Variants in SNX30 observed in about 807,000 individuals in gnomAD.
The protein encoded by SNX30 is sorting nexin-30.
In SNX30, 24 loss-of-function variants were observed where a neutral mutation model predicts 46.4. That is an observed-to-expected ratio of 0.52 (90% CI 0.37 to 0.73). The LOEUF is 0.73. Ranked by LOEUF, SNX30 falls within the 30% of genes least tolerant of loss-of-function variation. The probability of loss-of-function intolerance (pLI) is 0.00; values close to 1 mark genes in which losing one functional copy is unlikely to be tolerated. For missense variants in SNX30, 533 were observed against 555.7 expected, an observed-to-expected ratio of 0.96 and a Z score of 0.41; for synonymous variants, 189 against 211.5, an observed-to-expected ratio of 0.89 and a Z score of 0.92.
At chr9:112,877,634 G>A (rs1410828463), downstream of SNX30, 1 of 152,170 alleles carries the variant, frequency 6.6e-6, no homozygotes, top group Non-Finnish European at 1.5e-5. Flanking sequence ...AACTCCTGTA[G>A]CCTCTAACTC....
chr9:112,836,438 G>A, intron 5 of SNX30, 29 bp downstream of exon 5: 7 of 1,566,320 alleles, frequency 4.5e-6, no homozygotes, highest in East Asian at 2.3e-5. Flanking sequence ...TCTCGATTAT[G>A]CCCTGCAGCC....
chr9:112,830,039 C>A (rs941636013), intron 3 of SNX30, among the ~76,000 whole-genome samples: 2 of 152,100 alleles, frequency 1.3e-5, no homozygotes, highest in African/African-American at 4.8e-5. Context: ...TTTAATCAAG[C>A]AGTTGATCAA....
chr9:112,853,960 C>T (rs565842970), intron 7 of SNX30, among the ~76,000 whole-genome samples: 204 of 152,314 alleles, frequency 1.3e-3, no homozygotes, highest in Middle Eastern at 3.4e-3. Flanking sequence ...GAAGGAGAAC[C>T]AACAAGTTCT....
chr9:112,865,936 T>A (rs534453688), intron 8 of SNX30, among the ~76,000 whole-genome samples: 2 of 152,064 alleles, frequency 1.3e-5, no homozygotes, highest in Admixed American at 1.3e-4. Flanking sequence ...CTATGTCAAA[T>A]GTCTCTGTTG....
At chr9:112,832,619 A>C (rs2131447751) in intron 4 of SNX30, among the ~76,000 whole-genome samples, 1 of 95,030 alleles carries the variant, frequency 1.1e-5, no homozygotes, top group African/African-American at 4.1e-5. Context: ...CACGCCGGGG[A>C]CTGTTGTGGG....
Position 112,869,030 on chromosome 9 carries a change from A to T in SNX30, c.*187A>T. 2 of 612,886 alleles carry T rather than the reference A, an allele frequency of 3.3e-6. No individual in the cohort carries two copies. The highest frequency in any genetic ancestry group is 5.8e-6 in the Non-Finnish European group (2 of 342,904). 38.0% of individuals were successfully genotyped at this position (612,886 alleles called of 1,614,324 possible). On this transcript the variant is annotated 3_prime_UTR_variant, in exon 9 of 9. Coordinates refer to ENST00000374232, the MANE Select transcript of SNX30 (RefSeq NM_001012994.2). ...TCAATTAGTATTTATTCCATGGTGGAGTCTGTGAGGCTAGAATATCTCTCA... is the reference window on the plus strand; with the variant it reads ...TCAATTAGTATTTATTCCATGGTGGTGTCTGTGAGGCTAGAATATCTCTCA...
intron 1 of SNX30, among the ~76,000 whole-genome samples, chr9:112,756,645 G>C (rs1251618369): frequency 6.6e-6 from 1 of 151,982 alleles, no homozygotes; most frequent in African/African-American, 2.4e-5. Context: ...ATTTTTAGTA[G>C]AGACGGGGTT....
At chr9:112,772,666 G>A (rs1033413702) in intron 1 of SNX30, among the ~76,000 whole-genome samples, 2 of 152,188 alleles carry the variant, frequency 1.3e-5, no homozygotes, top group Admixed American at 1.3e-4. Context: ...ACCCAGTACT[G>A]AGTGTGAGTA....
chr9:112,780,726 G>A (rs549977165), intron 1 of SNX30, among the ~76,000 whole-genome samples: 1 of 152,290 alleles, frequency 6.6e-6, no homozygotes, highest in African/African-American at 2.4e-5. Context: ...TTTGAGGACT[G>A]TCTGCTTTCC....
chr9:112,805,675 G>C (rs1271469369), intron 2 of SNX30, among the ~76,000 whole-genome samples: 1 of 152,064 alleles, frequency 6.6e-6, no homozygotes, highest in African/African-American at 2.4e-5. Context: ...CACCTTATTG[G>C]CCAGGCTGGT....
intron 1 of SNX30, among the ~76,000 whole-genome samples, chr9:112,758,523 T>A (rs1488661991): frequency 6.6e-6 from 1 of 151,926 alleles, no homozygotes; most frequent in East Asian, 1.9e-4. Context: ...AGAGATGGGG[T>A]TTCGCCATGT....
At chr9:112,857,044 C>T (rs1473978768) in intron 7 of SNX30, among the ~76,000 whole-genome samples, 1 of 152,204 alleles carries the variant, frequency 6.6e-6, no homozygotes, top group Non-Finnish European at 1.5e-5. Context: ...TGCCTTTCCC[C>T]AGGGCGCGGG....
At chr9:112,790,916 A>G (rs1840008789) in intron 1 of SNX30, among the ~76,000 whole-genome samples, 1 of 152,200 alleles carries the variant, frequency 6.6e-6, no homozygotes, top group South Asian at 2.1e-4. Context: ...TCTCTATATT[A>G]TTGCGGTAAC....
chr9:112,775,874 A>G (rs1047379784), intron 1 of SNX30, among the ~76,000 whole-genome samples: 3 of 145,176 alleles, frequency 2.1e-5, no homozygotes, highest in Non-Finnish European at 4.5e-5. Flanking sequence ...ATTGTTCCAT[A>G]TTAGCACATA....
At chr9:112,797,906 T>C (rs1188937168) in intron 1 of SNX30, among the ~76,000 whole-genome samples, 1 of 148,088 alleles carries the variant, frequency 6.8e-6, no homozygotes, top group Non-Finnish European at 1.5e-5. Flanking sequence ...TAGAGACGAT[T>C]TCACCATGTT....
At chr9:112,758,454 T>C (rs1588105116) in intron 1 of SNX30, among the ~76,000 whole-genome samples, 2 of 152,274 alleles carry the variant, frequency 1.3e-5, no homozygotes, top group South Asian at 4.2e-4. Flanking sequence ...CTCAGCCTCC[T>C]GAGTAGCTGG....
chr9:112,858,493 A>C (rs7047914), intron 7 of SNX30, among the ~76,000 whole-genome samples: 142,698 of 152,174 alleles, frequency 0.94, 66,994 homozygotes, highest in East Asian at 1. Flanking sequence ...CCAGCCTGGG[A>C]AACAGAGCAA....
At chr9:112,762,489 T>G (rs1304586070) in intron 1 of SNX30, among the ~76,000 whole-genome samples, 1 of 151,666 alleles carries the variant, frequency 6.6e-6, no homozygotes, top group African/African-American at 2.4e-5. Context: ...AACAGATGGT[T>G]GCGGTAGCAT....
At chr9:112,853,279 C>T (rs1387397008) in intron 7 of SNX30, among the ~76,000 whole-genome samples, 4 of 152,236 alleles carry the variant, frequency 2.6e-5, no homozygotes, top group Admixed American at 1.3e-4. Context: ...CTGGTTCCTC[C>T]TGCCACAGGC....
Sources: allele counts gnomAD v4.1 joint callset (sites outside exome capture counted in the v4.1 genomes callset), GRCh38; gene constraint gnomAD v4.1.1; transcripts MANE v1.5; gene names NCBI Gene and HGNC (gene_info 2026-07-23, HGNC 2026-07-21).